The following RBMS3 variants were observed in gnomAD, a reference collection of about 807,000 sequenced individuals.
RBMS3 encodes RNA binding motif single stranded interacting protein 3.
Under a neutral mutation model 66.8 loss-of-function variants are expected in RBMS3, and 27 were observed. The ratio of observed to expected loss-of-function variants is 0.40; its 90% CI spans 0.30 to 0.56. The LOEUF (loss-of-function observed/expected upper bound fraction) is 0.56, where lower values mean the gene tolerates loss of function less well. Ranked by LOEUF, RBMS3 falls within the 20% of genes least tolerant of loss-of-function variation. The pLI, the probability that RBMS3 is intolerant of heterozygous loss-of-function variation, is 0.40. For missense variants in RBMS3, 513 were observed against 549.5 expected, an observed-to-expected ratio of 0.93 and a Z score of 0.66; for synonymous variants, 188 against 183.0, an observed-to-expected ratio of 1.03 and a Z score of -0.22.
chr3:29,800,500 A>T (rs1250748502), intron 6 of RBMS3, among the ~76,000 whole-genome samples: 2 of 152,210 alleles, frequency 1.3e-5, no homozygotes, highest in Non-Finnish European at 2.9e-5. Flanking sequence ...GTAATACTTT[A>T]TCAAAATATT....
intron 1 of RBMS3, among the ~76,000 whole-genome samples, chr3:29,297,665 T>C (rs768977456): frequency 3.9e-5 from 6 of 151,916 alleles, no homozygotes; most frequent in Non-Finnish European, 5.9e-5. Context: ...CTGAGATGAA[T>C]ATATTGGAAA....
At chr3:29,668,479 C>G (rs1285628281) in intron 4 of RBMS3, among the ~76,000 whole-genome samples, 1 of 152,070 alleles carries the variant, frequency 6.6e-6, no homozygotes, top group Non-Finnish European at 1.5e-5. Flanking sequence ...CGTGTAGCTG[C>G]CTACTGATGT....
chr3:29,968,354 G>T (rs1385420274), intron 12 of RBMS3, among the ~76,000 whole-genome samples: 2 of 152,094 alleles, frequency 1.3e-5, no homozygotes, highest in Admixed American at 6.5e-5. Flanking sequence ...CTGAGTTCTG[G>T]CCGGGGGTTT....
intron 2 of RBMS3, among the ~76,000 whole-genome samples, chr3:29,453,111 A>G (rs2042067414): frequency 1.3e-5 from 2 of 152,202 alleles, no homozygotes; most frequent in Admixed American, 1.3e-4. Context: ...TTGCTTGCTA[A>G]GACAGAAGCC....
rs901542693 is a variant in RBMS3 at position 29,478,493 on chromosome 3, G to T, written c.249-9948G>T. On this transcript the variant is annotated intron_variant, in intron 2 of 14. Transcript: ENST00000383767. ...CTCATGACCTAATCACCTCCCAAAG[G>T]CCCCATCTCCTAACACCATCATATT... Among the ~76,000 whole-genome samples the T allele has an allele frequency of 1.6e-4, 24 of 152,048 alleles. 2 individuals carry two copies. Among genetic ancestry groups the T allele is most frequent in the Admixed American group, 1.6e-3 (24 of 15,268 alleles).
At chr3:29,577,281 A>C (rs2047152987) in intron 3 of RBMS3, among the ~76,000 whole-genome samples, 1 of 152,196 alleles carries the variant, frequency 6.6e-6, no homozygotes, top group East Asian at 1.9e-4. Context: ...TATTCAAGAC[A>C]CAAGGCTCCT....
At chr3:29,668,907 G>C (rs769186836) in intron 4 of RBMS3, among the ~76,000 whole-genome samples, 24 of 152,212 alleles carry the variant, frequency 1.6e-4, no homozygotes, top group Non-Finnish European at 2.9e-4. Flanking sequence ...GATGTTGAAA[G>C]GTTAGATCCC....
intron 3 of RBMS3, among the ~76,000 whole-genome samples, chr3:29,535,377 C>T (rs1219531323): frequency 2.6e-5 from 4 of 152,024 alleles, no homozygotes; most frequent in Admixed American, 1.3e-4. Flanking sequence ...AATCATTTCC[C>T]ATTAAAAGTT....
At chr3:29,993,726 G>A (rs940400802) in intron 14 of RBMS3, among the ~76,000 whole-genome samples, 1 of 152,140 alleles carries the variant, frequency 6.6e-6, no homozygotes, top group African/African-American at 2.4e-5. Flanking sequence ...CTTAGATCTT[G>A]AGCCTGCCAG....
At chr3:29,412,479 A>G (rs2040305729) in intron 1 of RBMS3, among the ~76,000 whole-genome samples, 2 of 152,204 alleles carry the variant, frequency 1.3e-5, no homozygotes, top group Non-Finnish European at 2.9e-5. Context: ...TTTCATAGAT[A>G]CATAAGGCAA....
intron 4 of RBMS3, among the ~76,000 whole-genome samples, chr3:29,701,598 G>A (rs576330787): frequency 6.6e-6 from 1 of 152,196 alleles, no homozygotes; most frequent in Non-Finnish European, 1.5e-5. Flanking sequence ...GGTGGGAACT[G>A]GGGCTGCGCG....
At chr3:29,637,859 C>G (rs970076398) in intron 4 of RBMS3, among the ~76,000 whole-genome samples, 1 of 151,798 alleles carries the variant, frequency 6.6e-6, no homozygotes, top group African/African-American at 2.4e-5. Flanking sequence ...ACTTGCCTGA[C>G]AACACTCAAA....
At chr3:29,495,479 G>T (rs2148926259) in intron 3 of RBMS3, among the ~76,000 whole-genome samples, 1 of 142,634 alleles carries the variant, frequency 7.0e-6, no homozygotes. Context: ...GGAGTGCAGT[G>T]GTGCGATCTT....
intron 8 of RBMS3, among the ~76,000 whole-genome samples, chr3:29,884,735 C>A (rs1214086942): frequency 3.3e-5 from 5 of 151,866 alleles, no homozygotes; most frequent in African/African-American, 1.2e-4. Flanking sequence ...TAAACTTCCT[C>A]CTCTGAAAAA....
chr3:29,432,963 AG>A (rs1375543920), intron 1 of RBMS3, among the ~76,000 whole-genome samples: 4 of 152,164 alleles, frequency 2.6e-5, no homozygotes. Context: ...CTACATACAA[AG>A]TTTAGCTGTC....
chr3:29,325,631 T>C (rs1173760568), intron 1 of RBMS3, among the ~76,000 whole-genome samples: 7 of 105,110 alleles, frequency 6.7e-5, no homozygotes, highest in African/African-American at 1.6e-4. Flanking sequence ...TATATGTATG[T>C]ATATATATAC....
intron 6 of RBMS3, among the ~76,000 whole-genome samples, chr3:29,843,907 G>T (rs2058719476): frequency 6.6e-6 from 1 of 151,638 alleles, no homozygotes; most frequent in South Asian, 2.1e-4. Context: ...AGCCGAGATT[G>T]CTCCACTGCA....
intron 4 of RBMS3, among the ~76,000 whole-genome samples, chr3:29,689,290 C>T (rs2051872203): frequency 6.6e-6 from 1 of 152,012 alleles, no homozygotes; most frequent in African/African-American, 2.4e-5. Flanking sequence ...AAAAGATCTA[C>T]ATCTTTTTTC....
At chr3:29,655,821 T>C (rs181323998) in intron 4 of RBMS3, among the ~76,000 whole-genome samples, 2 of 152,268 alleles carry the variant, frequency 1.3e-5, no homozygotes, top group East Asian at 3.9e-4. Context: ...ATGTATGTTA[T>C]TGCCCCTAAA....
Sources: allele counts gnomAD v4.1 joint callset (sites outside exome capture counted in the v4.1 genomes callset), GRCh38; gene constraint gnomAD v4.1.1; transcripts MANE v1.5; gene names NCBI Gene and HGNC (gene_info 2026-07-23, HGNC 2026-07-21).